Variants in OOEP observed in about 807,000 individuals in gnomAD.
OOEP encodes oocyte expressed protein, also known as oocyte-expressed protein homolog.
Under a neutral mutation model 13.7 loss-of-function variants are expected in OOEP, and 16 were observed. That is an observed-to-expected ratio of 1.16 (90% confidence interval 0.79 to 1.77). OOEP has a LOEUF of 1.77. OOEP is among the 40% of genes most tolerant of loss of function. The pLI is 0.00. For missense variants in OOEP, 195 were observed against 193.1 expected (o/e 1.01, Z -0.06); for synonymous variants, 89 against 77.1 (o/e 1.15, Z -0.81).
At chr6:73,383,200 G>A (rs17812683) in intron 2 of OOEP, among the ~76,000 whole-genome samples, 33,617 of 152,054 alleles carry the variant, frequency 0.22, 4,363 homozygotes, top group Non-Finnish European at 0.29. Flanking sequence ...TCTTAGGGCC[G>A]GTAACACTAA....
chr6:73,371,101 C>A (rs779632936), upstream of OOEP, among the ~76,000 whole-genome samples: 9 of 152,104 alleles, frequency 5.9e-5, no homozygotes, highest in Admixed American at 1.3e-4. Context: ...CCACCACAGC[C>A]AGCATAGAAG....
rs562404292 is a variant in OOEP at position 73,381,699 on chromosome 6, G to C, written c.26-12314C>G. 2.0e-5 allele frequency among the ~76,000 whole-genome samples: 3 copies of C among 152,262 alleles called. No homozygotes were observed. In the South Asian group the frequency reaches 6.2e-4, roughly 32 times the overall value. On this transcript the variant is annotated intron_variant, in intron 2 of 3. Transcript: ENST00000370363. ...GGGGGACAATTAATATAAAAAACCA[G>C]GCTGGGCGCGGTGGCTCACACCTGT...
At chr6:73,369,959 T>C (rs1769023991), upstream of OOEP, 2 of 611,918 alleles carry the variant, frequency 3.3e-6, no homozygotes, top group Admixed American at 2.9e-5. Flanking sequence ...CGCCCCGGCA[T>C]AGCGGCACCA....
At chr6:73,384,844 C>T (rs1769248177) in intron 2 of OOEP, among the ~76,000 whole-genome samples, 2 of 151,564 alleles carry the variant, frequency 1.3e-5, no homozygotes, top group South Asian at 4.2e-4. Context: ...TCAAGTGATT[C>T]TCCTGTCTCA....
intron 2 of OOEP, among the ~76,000 whole-genome samples, chr6:73,392,364 C>A (rs963505563): frequency 6.6e-6 from 1 of 152,082 alleles, no homozygotes; most frequent in South Asian, 2.1e-4. Context: ...AGTGCAATGG[C>A]GCAATCTTGG....
chr6:73,386,313 C>T (rs1042646284), intron 2 of OOEP, among the ~76,000 whole-genome samples: 12 of 152,006 alleles, frequency 7.9e-5, no homozygotes, highest in African/African-American at 2.2e-4. Flanking sequence ...AGGCTGTTCT[C>T]GAACTCCCAA....
rs1769004934 is a variant in OOEP at position 73,369,268 on chromosome 6, T to C, written c.308A>G (p.Gln103Arg). Reference sequence around the variant, plus strand: ...CAGGAGCATGCTCTTCACCCGATTCTGTACACGGGGCCGCCCGAAAACGGT... The same window carrying C: ...CAGGAGCATGCTCTTCACCCGATTCCGTACACGGGGCCGCCCGAAAACGGT... ...EITVFGRPRV[Q>R]NRVKSMLLCL... The change falls in exon 2 of 3, where the codon CAG becomes CGG. Residue 103 changes from glutamine to arginine, a missense_variant. Gln to Arg is a conservative substitution (Grantham distance 43). Transcript: ENST00000370359. 1 of 1,613,832 alleles carries C rather than the reference T, an allele frequency of 6.2e-7. No homozygotes were observed. The highest frequency in any genetic ancestry group is 1.3e-5 in the African/African-American group (1 of 74,904).
chr6:73,392,851 C>T (rs1769367332), intron 2 of OOEP, among the ~76,000 whole-genome samples: 1 of 151,476 alleles, frequency 6.6e-6, no homozygotes, highest in Non-Finnish European at 1.5e-5. Flanking sequence ...AGGATGGTCT[C>T]GATCTCTTGA....
chr6:73,371,999 T>C (rs957831090), upstream of OOEP, among the ~76,000 whole-genome samples: 13 of 151,904 alleles, frequency 8.6e-5, 1 homozygote, highest in East Asian at 2.1e-3. Context: ...TCCCAGCCCT[T>C]TAGGAGGTGG....
upstream of OOEP, among the ~76,000 whole-genome samples, chr6:73,372,900 TTTC>T (rs1210824459): frequency 6.7e-6 from 1 of 149,022 alleles, no homozygotes. Context: ...ACCTTCTCTT[TTTC>T]TTTCCTTTTT....
rs375708318 is a variant in OOEP at position 73,376,632 on chromosome 6, C to A, written c.26-7247G>T. On this transcript the variant is annotated intron_variant, in intron 2 of 3. Coordinates refer to the OOEP transcript ENST00000370363. ...GGATTACAGGCGCCCACCACCAAGC[C>A]TGGCTGATTTTTGTGGTTTTTGTTT... is the stretch of plus-strand genomic sequence containing the variant. Among the ~76,000 whole-genome samples the A allele has an allele frequency of 5.9e-5, 9 of 152,014 alleles. No individual in the cohort carries two copies. The East Asian group carries it at 1.7e-3, about 29-fold the overall frequency.
intron 1 of OOEP, 69 bp from the exon 2 acceptor site, chr6:73,369,454 G>A (rs1023097690): frequency 6.5e-7 from 1 of 1,541,044 alleles, no homozygotes; most frequent in Non-Finnish European, 8.8e-7. Flanking sequence ...TGAAGGGAAT[G>A]TTGGCCAGGG....
At chr6:73,382,149 G>A (rs1395521509) in intron 2 of OOEP, among the ~76,000 whole-genome samples, 1 of 151,498 alleles carries the variant, frequency 6.6e-6, no homozygotes, top group Non-Finnish European at 1.5e-5. Flanking sequence ...CCAGGCTCAA[G>A]TGATCCCCCC....
upstream of OOEP, among the ~76,000 whole-genome samples, chr6:73,371,014 C>T (rs974111487): frequency 5.3e-5 from 8 of 152,192 alleles, no homozygotes; most frequent in African/African-American, 1.7e-4. Context: ...ACTATGTTGC[C>T]AGGCTGGTTT....
chr6:73,373,413 G>A (rs1769091683), upstream of OOEP: 1 of 781,350 alleles, frequency 1.3e-6, no homozygotes, highest in Non-Finnish European at 2.2e-6. Flanking sequence ...GGTAGCTGAG[G>A]CAGGTGCATG....
upstream of OOEP, among the ~76,000 whole-genome samples, chr6:73,374,624 A>G (rs1485093871): frequency 6.6e-6 from 1 of 151,944 alleles, no homozygotes; most frequent in Non-Finnish European, 1.5e-5. Context: ...GTTTCACCAT[A>G]TTGTCCAAGC....
chr6:73,373,359 C>G (rs1313428962), upstream of OOEP: 13 of 1,260,732 alleles, frequency 1.0e-5, no homozygotes, highest in Non-Finnish European at 1.2e-6. Context: ...GGGTCTCACT[C>G]TGTCACCCAG....
intron 2 of OOEP, chr6:73,391,894 A>G (rs1162909846): frequency 6.6e-6 from 1 of 152,238 alleles, no homozygotes; most frequent in Non-Finnish European, 1.5e-5. Context: ...CAGGTCAGTG[A>G]CAAGCACCTG....
intron 2 of OOEP, among the ~76,000 whole-genome samples, chr6:73,388,868 C>T (rs899809728): frequency 6.6e-5 from 10 of 152,208 alleles, no homozygotes; most frequent in Admixed American, 5.9e-4. Context: ...GCCAAGGGTG[C>T]GGTGTTTGCT....
Sources: allele counts gnomAD v4.1 joint callset (sites outside exome capture counted in the v4.1 genomes callset), GRCh38; gene constraint gnomAD v4.1.1; transcripts MANE v1.5; gene names NCBI Gene and HGNC (gene_info 2026-07-23, HGNC 2026-07-21).